ZNF519: variants seen among roughly 807,000 people sequenced by gnomAD.
ZNF519 encodes similar to Zinc finger protein 85 (Zinc finger protein HPF4) (HTF1).
In ZNF519, 7 loss-of-function variants were observed where a neutral mutation model predicts 7.4. The observed-to-expected ratio is 0.94, with a 90% CI of 0.54 to 1.77. ZNF519 has a LOEUF of 1.77. Among genes scored for constraint, ZNF519 ranks in the 40% most tolerant of loss-of-function variants. The pLI, the probability that ZNF519 is intolerant of heterozygous loss-of-function variation, is 0.00. For missense variants in ZNF519, 586 were observed against 623.1 expected (o/e 0.94, Z 0.63); for synonymous variants, 179 against 203.3 (o/e 0.88, Z 1.02).
chr18:14,086,520 G>C (rs2046091043), intron 2 of ZNF519, among the ~76,000 whole-genome samples: 1 of 152,182 alleles, frequency 6.6e-6, no homozygotes. Context: ...ACTGCTTCAG[G>C]GAAGCAAAGG....
intron 2 of ZNF519, among the ~76,000 whole-genome samples, chr18:14,115,568 A>G (rs983404613): frequency 6.6e-6 from 1 of 152,214 alleles, no homozygotes; most frequent in Non-Finnish European, 1.5e-5. Flanking sequence ...AACAGAACAG[A>G]GCACATCAAT....
At chr18:14,124,291 A>G (rs2046285205) in intron 2 of ZNF519, 59 bp downstream of exon 2, 9 of 1,511,690 alleles carry the variant, frequency 6.0e-6, no homozygotes, top group African/African-American at 1.4e-5. Context: ...ACAGTCTACA[A>G]AGAAAGAAAA....
chr18:14,093,685 G>A (rs1298579967), intron 2 of ZNF519, among the ~76,000 whole-genome samples: 1 of 152,188 alleles, frequency 6.6e-6, no homozygotes, highest in Non-Finnish European at 1.5e-5. Context: ...CATGGACAGA[G>A]AAACGAAAGT....
chr18:14,106,504 T>A, intron 2 of ZNF519, 95 bp from the exon 3 acceptor site: 13 of 1,066,006 alleles, frequency 1.2e-5, no homozygotes, highest in Non-Finnish European at 1.5e-5. Flanking sequence ...GCTGAGAACA[T>A]CAGCACAATG....
At chr18:14,089,966 TG>T (rs1369665230) in intron 2 of ZNF519, 1 of 152,178 alleles carries the variant, frequency 6.6e-6, no homozygotes, top group African/African-American at 2.4e-5. Flanking sequence ...TGCGGTGCAA[TG>T]GAGGGACTGC....
downstream of ZNF519, among the ~76,000 whole-genome samples, chr18:14,099,190 C>G (rs916546390): frequency 1.3e-5 from 2 of 152,100 alleles, no homozygotes; most frequent in Non-Finnish European, 2.9e-5. Flanking sequence ...ACCAACCTAG[C>G]CTCCCCCGAC....
rs914357240 is a variant in ZNF519 at position 14,085,663 on chromosome 18, A to G, written c.131-587T>C. ...CCTCAGCGCTTCCCCAACTCCAGGCAGTGCAGCACAGAAACACAACCCACA... is the reference window on the plus strand; with the variant it reads ...CCTCAGCGCTTCCCCAACTCCAGGCGGTGCAGCACAGAAACACAACCCACA... On this transcript the variant is annotated intron_variant and NMD_transcript_variant, in intron 2 of 4. Coordinates refer to the ZNF519 transcript ENST00000587419. Among the ~76,000 whole-genome samples the G allele has an allele frequency of 3.9e-5, 6 of 152,202 alleles. 1 individual carries two copies. The East Asian group carries it at 1.2e-3, about 29-fold the overall frequency.
At chr18:14,075,128 A>G (rs1598504920), downstream of ZNF519, 1 of 152,160 alleles carries the variant, frequency 6.6e-6, no homozygotes, top group Non-Finnish European at 1.5e-5. Context: ...CATCCCGAGA[A>G]CAATACAGAA....
chr18:14,125,107 T>C (rs1417797564), intron 1 of ZNF519, among the ~76,000 whole-genome samples: 1 of 152,214 alleles, frequency 6.6e-6, no homozygotes, highest in Non-Finnish European at 1.5e-5. Flanking sequence ...AGACTCATTA[T>C]AGTACCACTC....
intron 1 of ZNF519, among the ~76,000 whole-genome samples, chr18:14,128,150 G>A (rs1236010410): frequency 2.6e-5 from 4 of 151,920 alleles, no homozygotes; most frequent in Admixed American, 6.5e-5. Flanking sequence ...AAAATTAGCC[G>A]GGTGTGGTGG....
intron 1 of ZNF519, among the ~76,000 whole-genome samples, 167 bp from the exon 2 acceptor site, chr18:14,124,643 CA>C (rs1192772071): frequency 6.6e-6 from 1 of 151,946 alleles, no homozygotes; most frequent in Non-Finnish European, 1.5e-5. Flanking sequence ...AAAAGGATGC[CA>C]GCAAGCAATT....
At chr18:14,117,046 A>G (rs1486040025) in intron 2 of ZNF519, among the ~76,000 whole-genome samples, 1 of 152,162 alleles carries the variant, frequency 6.6e-6, no homozygotes, top group Non-Finnish European at 1.5e-5. Context: ...AGATTATGAC[A>G]TTGGTCTCAG....
chr18:14,093,697 G>A (rs1442874637), intron 2 of ZNF519, among the ~76,000 whole-genome samples: 1 of 152,194 alleles, frequency 6.6e-6, no homozygotes, highest in African/African-American at 2.4e-5. Flanking sequence ...AACGAAAGTG[G>A]CATACAGAAA....
downstream of ZNF519, among the ~76,000 whole-genome samples, chr18:14,098,158 T>A (rs1317076975): frequency 6.8e-6 from 1 of 147,596 alleles, no homozygotes; most frequent in East Asian, 1.9e-4. Flanking sequence ...CAACTTTCAC[T>A]GTCTTTTTTT....
chr18:14,126,646 A>C (rs1159370218), intron 1 of ZNF519, among the ~76,000 whole-genome samples: 1 of 152,246 alleles, frequency 6.6e-6, no homozygotes, highest in Non-Finnish European at 1.5e-5. Flanking sequence ...CATACGAAAT[A>C]GAAGCAGGTA....
intron 2 of ZNF519, among the ~76,000 whole-genome samples, chr18:14,111,156 CAA>C (rs2046218529): frequency 1.9e-5 from 2 of 103,970 alleles, no homozygotes; most frequent in African/African-American, 6.9e-5. Context: ...CAATAAAATG[CAA>C]AGTTGTTTTC....
downstream of ZNF519, among the ~76,000 whole-genome samples, chr18:14,095,832 G>A (rs2046134201): frequency 6.6e-6 from 1 of 152,308 alleles, no homozygotes; most frequent in East Asian, 1.9e-4. Context: ...GAAAAGGTAG[G>A]AGCAGTCTCT....
chr18:14,098,749 C>T (rs912359345), downstream of ZNF519, among the ~76,000 whole-genome samples: 7 of 152,274 alleles, frequency 4.6e-5, no homozygotes, highest in South Asian at 2.1e-4. Flanking sequence ...ACATTTGCAA[C>T]GTCTGAACTT....
In ZNF519 at chr18:14,105,641, G is replaced by A. The variant is rs766623188; in HGVS notation, c.899C>T (p.Ala300Val). Residue 300 changes from alanine (A) to valine (V), a missense_variant, in exon 3 of 3, where the codon GCC (alanine) becomes GTC (valine). Physicochemically the swap from Ala to Val is moderately conservative, Grantham distance 64 (BLOSUM62 0). Transcript: ENST00000590202. ...AGCAAGGTGTGAACTCTTGTTAAAG[G>A]CTTTGTCACATTTTTTACATTTGTA... Reference protein sequence around the residue: ...KPYKCKKCDKAFNKSSHLAQH... With the variant: ...KPYKCKKCDKVFNKSSHLAQH... 8.1e-6 allele frequency: 13 copies of A among 1,613,262 alleles called. No individual in the cohort carries two copies. The highest frequency in any genetic ancestry group is 7.6e-6 in the Non-Finnish European group (9 of 1,179,858).
Sources: allele counts gnomAD v4.1 joint callset (sites outside exome capture counted in the v4.1 genomes callset), GRCh38; gene constraint gnomAD v4.1.1; transcripts MANE v1.5; gene names NCBI Gene and HGNC (gene_info 2026-07-23, HGNC 2026-07-21).